Variants in GRM8 observed in about 807,000 individuals in gnomAD.
GRM8 encodes glutamate metabotropic receptor 8, also known as metabotropic glutamate receptor 8.
A neutral mutation model predicts 87.2 loss-of-function variants in GRM8; 47 were observed. That is an observed-to-expected ratio of 0.54 (90% CI 0.43 to 0.69). The LOEUF (loss-of-function observed/expected upper bound fraction) is 0.69. Among genes scored for constraint, GRM8 ranks in the 30% least tolerant of loss-of-function variants. The pLI, the probability that GRM8 is intolerant of heterozygous loss-of-function variation, is 0.00. For synonymous variants in GRM8, 396 were observed against 404.5 expected (o/e 0.98, Z 0.25); for missense variants, 1,019 against 1,139.2 (o/e 0.89, Z 1.52).
At chr7:127,064,868 C>G (rs1159963827) in intron 3 of GRM8, among the ~76,000 whole-genome samples, 2 of 152,138 alleles carry the variant, frequency 1.3e-5, no homozygotes, top group Non-Finnish European at 2.9e-5. Flanking sequence ...CAAAAAACAA[C>G]AGGCTGGCAA....
At chr7:127,075,931 C>T in intron 3 of GRM8, 1 of 315,142 alleles carries the variant, frequency 3.2e-6, no homozygotes, top group East Asian at 8.1e-5. Flanking sequence ...TTTATACCAC[C>T]CAAGAGCACC....
intron 1 of GRM8, among the ~76,000 whole-genome samples, chr7:127,246,155 A>T (rs1798574111): frequency 6.6e-6 from 1 of 152,210 alleles, no homozygotes; most frequent in African/African-American, 2.4e-5. Flanking sequence ...CCTTTTAAAA[A>T]ACCTAAGGAA....
chr7:126,462,874 C>T (rs1279824805), intron 9 of GRM8, among the ~76,000 whole-genome samples: 3 of 151,468 alleles, frequency 2.0e-5, no homozygotes, highest in African/African-American at 7.3e-5. Flanking sequence ...CAAGATGACA[C>T]TCAGGAGAAA....
At chr7:127,180,453 A>C (rs2116402610) in intron 2 of GRM8, among the ~76,000 whole-genome samples, 1 of 152,222 alleles carries the variant, frequency 6.6e-6, no homozygotes, top group Admixed American at 6.5e-5. Flanking sequence ...TTTTGACACT[A>C]TTCCACAAGA....
intron 9 of GRM8, among the ~76,000 whole-genome samples, chr7:126,526,013 A>G (rs1813765981): frequency 6.6e-6 from 1 of 152,222 alleles, no homozygotes. Context: ...GTACTAACCC[A>G]TATGATACCA....
intron 3 of GRM8, among the ~76,000 whole-genome samples, chr7:126,965,435 C>A (rs1586616177): frequency 1.3e-5 from 2 of 152,192 alleles, no homozygotes; most frequent in African/African-American, 4.8e-5. Flanking sequence ...AAAAATATAT[C>A]TAGACTAGTG....
chr7:126,852,900 T>G (rs1797343884), intron 6 of GRM8, among the ~76,000 whole-genome samples: 1 of 152,222 alleles, frequency 6.6e-6, no homozygotes, highest in Admixed American at 6.5e-5. Context: ...GGATTGTCCT[T>G]GATCATAATA....
intron 9 of GRM8, among the ~76,000 whole-genome samples, chr7:126,489,339 T>C (rs1807733563): frequency 6.6e-6 from 1 of 152,082 alleles, no homozygotes; most frequent in South Asian, 2.1e-4. Context: ...CATAACTACA[T>C]GCACAGCATG....
rs1803284867 is a variant in GRM8, at chr7:126,647,484, C to T, written c.1358-37986G>A. ...TCAAATATCTAACTCAGCCTATTCCCTTCTTCAAATTTCAGATTCATATAT... is the reference window on the plus strand; with the variant it reads ...TCAAATATCTAACTCAGCCTATTCCTTTCTTCAAATTTCAGATTCATATAT... On this transcript the variant is annotated intron_variant, in intron 7 of 10. Coordinates refer to ENST00000339582, the MANE Select transcript of GRM8 (RefSeq NM_000845.3). Among the ~76,000 whole-genome samples, 3 of 152,172 alleles carry T rather than the reference C, an allele frequency of 2.0e-5. No homozygotes were observed. The South Asian group carries it at 6.2e-4, about 32-fold the overall frequency.
intron 3 of GRM8, among the ~76,000 whole-genome samples, chr7:127,044,377 C>T (rs1818729110): frequency 6.6e-6 from 1 of 152,208 alleles, no homozygotes; most frequent in Non-Finnish European, 1.5e-5. Flanking sequence ...ACACACCTTG[C>T]CCTAGAGTAA....
At chr7:127,216,535 C>CAAAAAA (rs796757040) in intron 2 of GRM8, among the ~76,000 whole-genome samples, 3 of 115,952 alleles carry the variant, frequency 2.6e-5, no homozygotes, top group Admixed American at 9.2e-5. Context: ...AAAAAAAAAA[C>CAAAAAA]AAAAAAAAAA....
intron 3 of GRM8, among the ~76,000 whole-genome samples, chr7:126,908,726 A>G (rs1452918891): frequency 6.6e-6 from 1 of 152,242 alleles, no homozygotes; most frequent in Non-Finnish European, 1.5e-5. Context: ...ATTTTAACAT[A>G]GCTTAAATCC....
chr7:126,612,651 C>G (rs1343348783), intron 7 of GRM8, among the ~76,000 whole-genome samples: 1 of 152,146 alleles, frequency 6.6e-6, no homozygotes, highest in Non-Finnish European at 1.5e-5. Flanking sequence ...ACTGGGTGGA[C>G]CCTCTGCAAT....
At chr7:126,753,674 T>C (rs1302554072) in intron 7 of GRM8, among the ~76,000 whole-genome samples, 1 of 152,002 alleles carries the variant, frequency 6.6e-6, no homozygotes, top group African/African-American at 2.4e-5. Flanking sequence ...CATCTTTATA[T>C]ATATACATAC....
At chr7:127,134,442 T>C (rs755232162) in intron 2 of GRM8, among the ~76,000 whole-genome samples, 7 of 152,202 alleles carry the variant, frequency 4.6e-5, no homozygotes, top group Non-Finnish European at 7.3e-5. Context: ...GTTACATGAA[T>C]TCCAATGGGC....
chr7:126,969,069 C>T lies in GRM8; in HGVS notation c.728-64386G>A, dbSNP rs577846714. On this transcript the variant is annotated intron_variant, in intron 3 of 10. Transcript: ENST00000339582. ...ACAGCACTGTATCAAAAAATGTACACACATTAACTTTAAAATATTTTATTG... is the reference window on the plus strand; with the variant it reads ...ACAGCACTGTATCAAAAAATGTACATACATTAACTTTAAAATATTTTATTG... 1.2e-3 allele frequency among the ~76,000 whole-genome samples: 188 copies of T among 152,258 alleles called. 5 individuals are homozygous for T. In the South Asian group the frequency reaches 0.039, roughly 31 times the overall value.
chr7:127,164,201 C>T (rs1296610884), intron 2 of GRM8, among the ~76,000 whole-genome samples: 1 of 152,104 alleles, frequency 6.6e-6, no homozygotes, highest in Admixed American at 6.6e-5. Context: ...CTTTGCCTTC[C>T]ACAATGTTTG....
chr7:126,494,353 G>C (rs1808431032), intron 9 of GRM8, among the ~76,000 whole-genome samples: 4 of 151,872 alleles, frequency 2.6e-5, no homozygotes. Flanking sequence ...AACAATCTTA[G>C]AGAATGTCTG....
intron 9 of GRM8, among the ~76,000 whole-genome samples, chr7:126,499,503 A>G (rs1809315706): frequency 6.6e-6 from 1 of 151,796 alleles, no homozygotes; most frequent in Non-Finnish European, 1.5e-5. Context: ...TGATGAAGGG[A>G]TGTCTGCACT....
Sources: allele counts gnomAD v4.1 joint callset (sites outside exome capture counted in the v4.1 genomes callset), GRCh38; gene constraint gnomAD v4.1.1; transcripts MANE v1.5; gene names NCBI Gene and HGNC (gene_info 2026-07-23, HGNC 2026-07-21).